Variants in MGAT5 observed in about 807,000 individuals in gnomAD.
The protein encoded by MGAT5 is alpha-1,6-mannosylglycoprotein 6-beta-N-acetylglucosaminyltransferase A.
A neutral mutation model predicts 94.3 loss-of-function variants in MGAT5; 30 were observed. That is an observed-to-expected ratio of 0.32 (90% CI 0.24 to 0.43). The LOEUF (loss-of-function observed/expected upper bound fraction) is 0.43, where lower values mean the gene tolerates loss of function less well. MGAT5 is among the 20% of genes least tolerant of loss of function. The pLI is 1.00. For synonymous variants in MGAT5, 310 were observed against 322.9 expected, an observed-to-expected ratio of 0.96 and a Z score of 0.43; for missense variants, 691 against 905.5, an observed-to-expected ratio of 0.76 and a Z score of 3.04.
At chr2:134,181,368 G>A (rs1688727842) in intron 1 of MGAT5, among the ~76,000 whole-genome samples, 1 of 152,206 alleles carries the variant, frequency 6.6e-6, no homozygotes. Context: ...GCTTACGTGT[G>A]TCCACAAGAG....
intron 10 of MGAT5, among the ~76,000 whole-genome samples, chr2:134,367,727 G>C (rs1010431167): frequency 6.6e-6 from 1 of 152,220 alleles, no homozygotes; most frequent in Non-Finnish European, 1.5e-5. Flanking sequence ...TGGCCAATAT[G>C]TGGAAAAGTG....
At chr2:134,341,826 T>C in intron 7 of MGAT5, 67 bp downstream of exon 7, 1 of 1,368,392 alleles carries the variant, frequency 7.3e-7, no homozygotes, top group Non-Finnish European at 1.0e-6. Flanking sequence ...CTTAAAGTAT[T>C]ACCTCTATTA....
At chr2:134,244,402 T>C (rs1246680649) in intron 1 of MGAT5, among the ~76,000 whole-genome samples, 1 of 152,124 alleles carries the variant, frequency 6.6e-6, no homozygotes, top group East Asian at 1.9e-4. Flanking sequence ...ACCAGGTCTT[T>C]GGAGCAGAGG....
intron 2 of MGAT5, among the ~76,000 whole-genome samples, chr2:134,304,512 A>G (rs568053105): frequency 6.6e-6 from 1 of 152,302 alleles, no homozygotes; most frequent in African/African-American, 2.4e-5. Context: ...TCCTACTGGG[A>G]ATAACCTGCA....
Position 134,422,885 on chromosome 2 carries a change from T to G in MGAT5, c.1760T>G (p.Val587Gly), listed in dbSNP as rs1181187126. Residue 587 changes from valine (V) to glycine (G), a missense_variant, in exon 13 of 16, where the codon GTA becomes GGA. By Grantham distance (109) the Val-to-Gly change is moderately radical (BLOSUM62 -3). Around this residue, in one of 4 missense-constraint regions of MGAT5, gnomAD observed 260 missense variants for 347.0 expected, o/e 0.75. Transcript: ENST00000281923. ...WTVDLNNQEE[V>G]EDAVKAILNQ... Reference sequence around the variant, plus strand: ...GTTGACCTCAACAATCAGGAGGAAGTAGAGGATGCAGTGAAAGCAATTTTA... The same window carrying G: ...GTTGACCTCAACAATCAGGAGGAAGGAGAGGATGCAGTGAAAGCAATTTTA... 6.2e-7 allele frequency: 1 copy of G among 1,613,824 alleles called. No individual in the cohort carries two copies. The highest frequency in any genetic ancestry group is 2.2e-5 in the East Asian group (1 of 44,878).
intron 1 of MGAT5, among the ~76,000 whole-genome samples, chr2:134,263,053 T>C (rs3791267): frequency 0.14 from 21,968 of 152,118 alleles, 2,571 homozygotes; most frequent in East Asian, 0.36. Flanking sequence ...GTGGTGGTGG[T>C]GTTTCTGGCA....
chr2:134,181,185 C>T (rs2105172066), intron 1 of MGAT5, among the ~76,000 whole-genome samples: 1 of 152,302 alleles, frequency 6.6e-6, no homozygotes, highest in South Asian at 2.1e-4. Context: ...GTCATTTTTA[C>T]ATCTTGGTGG....
At chr2:134,408,453 C>T (rs531806112) in intron 11 of MGAT5, among the ~76,000 whole-genome samples, 6 of 152,260 alleles carry the variant, frequency 3.9e-5, no homozygotes, top group Admixed American at 2.6e-4. Context: ...GTTTCTGAAA[C>T]GGTAGTTAGG....
chr2:134,347,092 T>C (rs933280874), intron 8 of MGAT5, among the ~76,000 whole-genome samples: 1 of 152,088 alleles, frequency 6.6e-6, no homozygotes, highest in Admixed American at 6.6e-5. Context: ...CACAGAGACA[T>C]TAGAGGGAAG....
rs1682799888 is a variant in MGAT5 at position 134,254,339 on chromosome 2, A to G, written c.-65A>G. 5.7e-6 allele frequency: 9 copies of G among 1,584,248 alleles called. No individual in the cohort carries two copies. The highest frequency in any genetic ancestry group is 7.7e-6 in the Non-Finnish European group (9 of 1,164,742). ...CAGCAGACTCTCACACTCAACCTAC[A>G]CCATGAATTTGTGTCTATCTTCTAC... On this transcript the variant is annotated 5_prime_UTR_variant, in exon 1 of 16. Transcript: ENST00000281923.
intron 9 of MGAT5, among the ~76,000 whole-genome samples, chr2:134,351,016 C>T (rs1444271353): frequency 6.6e-6 from 1 of 152,086 alleles, no homozygotes; most frequent in African/African-American, 2.4e-5. Context: ...CTAAATGTAA[C>T]AGCACATGCA....
intron 12 of MGAT5, among the ~76,000 whole-genome samples, chr2:134,418,566 A>G (rs1014852375): frequency 6.6e-6 from 1 of 152,198 alleles, no homozygotes; most frequent in Non-Finnish European, 1.5e-5. Context: ...CCTGTTTTCC[A>G]GGAGCTCCAA....
chr2:134,126,961 C>T (rs887167545), intron 1 of MGAT5, among the ~76,000 whole-genome samples: 3 of 151,918 alleles, frequency 2.0e-5, no homozygotes, highest in African/African-American at 7.2e-5. Flanking sequence ...GAGGAGTTTT[C>T]TGAATGACCG....
At chr2:134,189,442 T>G (rs1689206941) in intron 1 of MGAT5, among the ~76,000 whole-genome samples, 1 of 152,038 alleles carries the variant, frequency 6.6e-6, no homozygotes, top group Non-Finnish European at 1.5e-5. Context: ...AAATTATATG[T>G]GAGATAGCAA....
chr2:134,162,968 A>G (rs1687806330), intron 1 of MGAT5, among the ~76,000 whole-genome samples: 1 of 152,176 alleles, frequency 6.6e-6, no homozygotes, highest in Admixed American at 6.5e-5. Flanking sequence ...TAGAAACTGT[A>G]TTTTCAGTGG....
intron 2 of MGAT5, among the ~76,000 whole-genome samples, chr2:134,278,361 C>T (rs553373056): frequency 3.3e-5 from 5 of 152,274 alleles, no homozygotes; most frequent in South Asian, 2.1e-4. Flanking sequence ...CAGTCCCAGA[C>T]GGCTGTGCTG....
chr2:134,447,271 T>C (rs1286058949), intron 15 of MGAT5, among the ~76,000 whole-genome samples: 1 of 152,140 alleles, frequency 6.6e-6, no homozygotes, highest in East Asian at 1.9e-4. Flanking sequence ...ATAGAAATGG[T>C]TGGTGTGTAA....
At chr2:134,394,484 GA>G (rs965664124) in intron 10 of MGAT5, among the ~76,000 whole-genome samples, 2 of 152,054 alleles carry the variant, frequency 1.3e-5, no homozygotes, top group African/African-American at 4.8e-5. Flanking sequence ...GTTAATACTG[GA>G]AAACACAAAA....
At chr2:134,155,223 C>G (rs373904093) in intron 1 of MGAT5, among the ~76,000 whole-genome samples, 2 of 152,350 alleles carry the variant, frequency 1.3e-5, no homozygotes, top group African/African-American at 4.8e-5. Flanking sequence ...ACCACCCTGG[C>G]CCAGGCTCCT....
Sources: gnomAD v4.1 joint callset for allele counts (sites outside exome capture counted in the v4.1 genomes callset) on GRCh38, gnomAD v4.1.1 for gene constraint, gnomAD v4.1.1 regional missense constraint, MANE v1.5 for transcripts, NCBI Gene and HGNC (gene_info 2026-07-23, HGNC 2026-07-21) for gene names.